Variants in NEK1 observed in about 807,000 individuals in gnomAD.
The protein encoded by NEK1 is NIMA related kinase 1, also known as serine/threonine-protein kinase Nek1.
NEK1 carries 137 observed loss-of-function variants against 182.1 expected under a neutral mutation model. The observed-to-expected ratio is 0.75, with a 90% confidence interval of 0.65 to 0.87. NEK1 has a LOEUF of 0.87. Among genes scored for constraint, NEK1 ranks in the 40% least tolerant of loss-of-function variants. The pLI is 0.00. For synonymous variants in NEK1, 513 were observed against 492.2 expected (o/e 1.04, Z -0.56); for missense variants, 1,391 against 1,494.4 (o/e 0.93, Z 1.14).
chr4:169,571,355 C>A (rs1352647723), intron 12 of NEK1, among the ~76,000 whole-genome samples: 2 of 152,030 alleles, frequency 1.3e-5, no homozygotes, highest in Admixed American at 1.3e-4. Flanking sequence ...AAAATCCCTA[C>A]CCTCATGAAT....
In NEK1 at chr4:169,588,532, CAT is replaced by C. The variant is rs1290691698; in HGVS notation, c.551+115_551+116del. ...ATATATTAGCAACATTTTATATATA[CAT>C]ATGTGTTTACATGTATGTATTATTT... is the stretch of plus-strand genomic sequence containing the variant. On this transcript the variant is annotated intron_variant, in intron 8 of 35. Coordinates refer to ENST00000507142, the MANE Select transcript of NEK1 (RefSeq NM_001199397.3). The C allele has an allele frequency of 6.3e-5, 37 of 584,184 alleles. No homozygotes were observed. The East Asian group carries it at 6.7e-4, about 11-fold the overall frequency. 36.2% of individuals were successfully genotyped at this position (584,184 alleles called of 1,614,324 possible).
intron 8 of NEK1, among the ~76,000 whole-genome samples, chr4:169,587,853 C>T (rs1767784638): frequency 6.6e-6 from 1 of 151,762 alleles, no homozygotes. Context: ...TTTAAAAGAA[C>T]AATATCAAAA....
At chr4:169,433,688 G>A (rs1286899254) in intron 28 of NEK1, 23 bp from the exon 29 acceptor site, 7 of 1,608,146 alleles carry the variant, frequency 4.4e-6, no homozygotes, top group Non-Finnish European at 5.9e-6. Context: ...AACGTAACGA[G>A]AGACATCTCA....
intron 23 of NEK1, among the ~76,000 whole-genome samples, chr4:169,485,979 G>A (rs1461289636): frequency 6.6e-6 from 1 of 152,064 alleles, no homozygotes; most frequent in Admixed American, 6.6e-5. Context: ...CCAGCAGGTC[G>A]AAATTGCAGA....
At chr4:169,538,241 G>A (rs1024644099) in intron 18 of NEK1, among the ~76,000 whole-genome samples, 2 of 152,146 alleles carry the variant, frequency 1.3e-5, no homozygotes, top group Non-Finnish European at 2.9e-5. Flanking sequence ...AAGTTTCCAA[G>A]TTTATTTCAG....
chr4:169,514,954 A>G (rs1396301335), intron 19 of NEK1, among the ~76,000 whole-genome samples: 2 of 152,134 alleles, frequency 1.3e-5, no homozygotes, highest in South Asian at 2.1e-4. Flanking sequence ...CATTTCTTCT[A>G]CTGTCTGCAT....
chr4:169,512,119 C>T (rs1473508260), intron 19 of NEK1, among the ~76,000 whole-genome samples: 1 of 152,056 alleles, frequency 6.6e-6, no homozygotes, highest in Non-Finnish European at 1.5e-5. Context: ...TTTCTTTTCT[C>T]TGGAACATAT....
At chr4:169,582,834 C>T (rs1766892318) in intron 10 of NEK1, among the ~76,000 whole-genome samples, 1 of 152,116 alleles carries the variant, frequency 6.6e-6, no homozygotes, top group Non-Finnish European at 1.5e-5. Context: ...GCTTACTAAC[C>T]ACATGTGGCT....
intron 19 of NEK1, among the ~76,000 whole-genome samples, chr4:169,523,777 T>C (rs1756467612): frequency 6.6e-6 from 1 of 152,244 alleles, no homozygotes; most frequent in Admixed American, 6.5e-5. Flanking sequence ...GTTTATTGTC[T>C]ATCTCCCTTT....
At chr4:169,473,804 T>C (rs1243208314) in intron 26 of NEK1, among the ~76,000 whole-genome samples, 1 of 152,136 alleles carries the variant, frequency 6.6e-6, no homozygotes, top group Non-Finnish European at 1.5e-5. Flanking sequence ...GAAGAGTGTG[T>C]ATGTGTGAGC....
intron 26 of NEK1, among the ~76,000 whole-genome samples, chr4:169,469,763 G>A (rs1279301198): frequency 6.6e-6 from 1 of 152,086 alleles, no homozygotes; most frequent in African/African-American, 2.4e-5. Flanking sequence ...AAGTCTCCTT[G>A]TAGGTCTCTA....
Position 169,602,116 on chromosome 4 carries a change from G to A in NEK1, c.118-12C>T, listed in dbSNP as rs1770600796. 2 of 1,579,548 alleles carry A rather than the reference G, an allele frequency of 1.3e-6. No homozygotes were observed. The highest frequency in any genetic ancestry group is 1.7e-6 in the Non-Finnish European group (2 of 1,149,798). ...TCTTTACTGGACATCTTAAATGGGA[G>A]GAAAAAGAAAATAGTAAATGAAACC... On this transcript the variant is annotated splice_polypyrimidine_tract_variant and intron_variant, in intron 3 of 35. Coordinates refer to ENST00000507142, the MANE Select transcript of NEK1 (RefSeq NM_001199397.3).
intron 26 of NEK1, among the ~76,000 whole-genome samples, chr4:169,473,437 ATTTT>A (rs974588980): frequency 6.6e-6 from 1 of 152,074 alleles, no homozygotes; most frequent in African/African-American, 2.4e-5. Flanking sequence ...CATGTTCACT[ATTTT>A]GAGTGGTAGG....
intron 23 of NEK1, among the ~76,000 whole-genome samples, chr4:169,495,951 T>C (rs1230618795): frequency 3.9e-5 from 6 of 152,200 alleles, no homozygotes; most frequent in East Asian, 1.9e-4. Flanking sequence ...AAGTCATTGG[T>C]AGCTTGATGG....
chr4:169,424,703 C>G lies in NEK1; in HGVS notation c.3072G>C (p.Leu1024Phe), dbSNP rs1736069610. Reference protein sequence around the residue: ...FFHKVVHSEHLNLVPQVQSVQ... With the variant: ...FFHKVVHSEHFNLVPQVQSVQ... ...CTGATTGAACTTGAGGGACTAAGTT[C>G]AAGTGTTCAGAATGAACCACCTTAT... Residue 1024 changes from leucine (L) to phenylalanine (F), a missense_variant, in exon 31 of 36, where the codon TTG becomes TTC. Physicochemically the swap from Leu to Phe is conservative, Grantham distance 22. Transcript: ENST00000507142. 2 of 1,613,818 alleles carry G rather than the reference C, an allele frequency of 1.2e-6. No homozygotes were observed. Among genetic ancestry groups the G allele is most frequent in the Admixed American group, 1.7e-5 (1 of 60,012 alleles).
At chr4:169,438,391 T>C in intron 27 of NEK1, 132 bp from the exon 28 acceptor site, 1 of 630,722 alleles carries the variant, frequency 1.6e-6, no homozygotes, top group South Asian at 2.4e-5. Flanking sequence ...CTGTTACATA[T>C]TAGAAGTTAA....
chr4:169,422,198 A>G (rs1735597435), intron 31 of NEK1, among the ~76,000 whole-genome samples: 1 of 152,230 alleles, frequency 6.6e-6, no homozygotes, highest in Admixed American at 6.5e-5. Flanking sequence ...GCTAAAAGCC[A>G]TGCTGGAATG....
intron 23 of NEK1, among the ~76,000 whole-genome samples, chr4:169,493,454 T>C (rs570677103): frequency 6.6e-6 from 1 of 152,198 alleles, no homozygotes; most frequent in African/African-American, 2.4e-5. Context: ...GACTGAAATA[T>C]CTAAAATGAT....
At chr4:169,570,445 G>T (rs1364585277) in intron 12 of NEK1, among the ~76,000 whole-genome samples, 1 of 151,130 alleles carries the variant, frequency 6.6e-6, no homozygotes, top group Non-Finnish European at 1.5e-5. Flanking sequence ...CGCCCAGTCT[G>T]GGAGGGAGGT....
Sources: gnomAD v4.1 joint callset for allele counts (sites outside exome capture counted in the v4.1 genomes callset) on GRCh38, gnomAD v4.1.1 for gene constraint, MANE v1.5 for transcripts, NCBI Gene and HGNC (gene_info 2026-07-23, HGNC 2026-07-21) for gene names.